The following KDM4B variants were observed in gnomAD, a reference collection of about 807,000 sequenced individuals.
KDM4B encodes the protein lysine demethylase 4B.
A neutral mutation model predicts 125.2 loss-of-function variants in KDM4B; 32 were observed. The ratio of observed to expected loss-of-function variants is 0.26; its 90% confidence interval spans 0.19 to 0.34. The LOEUF (loss-of-function observed/expected upper bound fraction) is 0.34, where lower values mean the gene tolerates loss of function less well. KDM4B is among the 10% of genes least tolerant of loss of function. The pLI is 1.00. For missense variants in KDM4B, 1,190 were observed against 1,577.7 expected, an observed-to-expected ratio of 0.75 and a Z score of 4.16; for synonymous variants, 721 against 677.9, an observed-to-expected ratio of 1.06 and a Z score of -0.99.
chr19:5,092,733 C>T (rs557787566), intron 9 of KDM4B, among the ~76,000 whole-genome samples: 58 of 152,264 alleles, frequency 3.8e-4, no homozygotes, highest in African/African-American at 1.3e-3. Flanking sequence ...AGGGGTCAGC[C>T]GTCAGAGAAG....
At chr19:5,068,119 C>G (rs2037832920) in intron 6 of KDM4B, among the ~76,000 whole-genome samples, 2 of 151,272 alleles carry the variant, frequency 1.3e-5, no homozygotes, top group African/African-American at 4.9e-5. Flanking sequence ...CCTCCAGAGC[C>G]AAGGCCAAAT....
chr19:5,047,482 G>C lies in KDM4B; in HGVS notation c.439G>C (p.Ala147Pro), dbSNP rs774891287. 1 of 1,608,052 alleles carries C rather than the reference G, an allele frequency of 6.2e-7. No individual in the cohort carries two copies. The highest frequency in any genetic ancestry group is 1.1e-5 in the South Asian group (1 of 90,650). Residue 147 changes from alanine to proline, a missense_variant, in exon 6 of 23, where the codon GCC (alanine) becomes CCC (proline). Transcript: ENST00000159111. ...CTGCTCTGCCGCCCCACAGGACGTG[G>C]CCCAGTGGAACATCGGGAGCCTCCG... is the stretch of plus-strand genomic sequence containing the variant. Reference protein sequence around the residue: ...ISGSLYDDDVAQWNIGSLRTI... With the variant: ...ISGSLYDDDVPQWNIGSLRTI...
In KDM4B at chr19:5,151,597, C is replaced by T. The variant is rs988341679; in HGVS notation, c.*86C>T. ...TTCGCTTGCTGTGAATTCCTGTCCT[C>T]GTGTCCCCGACCCCCGAGAGGCCAC... On this transcript the variant is annotated 3_prime_UTR_variant, in exon 23 of 23. Transcript: ENST00000159111. 15 of 1,174,288 alleles carry T rather than the reference C, an allele frequency of 1.3e-5. 2 individuals carry two copies. The Admixed American group carries it at 2.5e-4, about 20-fold the overall frequency. 72.7% of individuals were successfully genotyped at this position (1,174,288 alleles called of 1,614,324 possible). A position where few individuals can be genotyped will look rare whatever the true frequency, so the allele number is the denominator to read the frequency against.
At chr19:5,034,356 TAC>T (rs1231697734) in intron 3 of KDM4B, among the ~76,000 whole-genome samples, 1 of 152,192 alleles carries the variant, frequency 6.6e-6, no homozygotes, top group African/African-American at 2.4e-5. Flanking sequence ...GGGCAGTCTC[TAC>T]ACACGGCCAG....
intron 10 of KDM4B, among the ~76,000 whole-genome samples, chr19:5,117,627 G>A (rs1235853481): frequency 6.6e-6 from 1 of 152,170 alleles, no homozygotes; most frequent in Non-Finnish European, 1.5e-5. Flanking sequence ...CCCTAGTGGA[G>A]CCTGAGGCTG....
At chr19:5,029,062 C>T (rs920954135) in intron 2 of KDM4B, among the ~76,000 whole-genome samples, 9 of 152,134 alleles carry the variant, frequency 5.9e-5, no homozygotes, top group East Asian at 1.9e-4. Flanking sequence ...AGGTGCAGAC[C>T]GCCACACCTG....
At chr19:4,973,431 C>T (rs868553402) in intron 1 of KDM4B, among the ~76,000 whole-genome samples, 31 of 152,250 alleles carry the variant, frequency 2.0e-4, no homozygotes, top group African/African-American at 6.0e-4. Flanking sequence ...TCAAGTGATC[C>T]GCCTGCCTCG....
chr19:5,136,224 C>T (rs1035192044), intron 15 of KDM4B, among the ~76,000 whole-genome samples: 5 of 152,170 alleles, frequency 3.3e-5, no homozygotes, highest in African/African-American at 1.2e-4. Context: ...AACTGATGGT[C>T]ACAGTGAGAT....
intron 1 of KDM4B, among the ~76,000 whole-genome samples, chr19:4,986,088 G>A (rs963444908): frequency 6.6e-6 from 1 of 152,234 alleles, no homozygotes; most frequent in African/African-American, 2.4e-5. Context: ...CCCCTCTCTG[G>A]TGCCCCGGGG....
chr19:5,064,736 G>A (rs2037713931), intron 6 of KDM4B, among the ~76,000 whole-genome samples: 1 of 152,200 alleles, frequency 6.6e-6, no homozygotes, highest in African/African-American at 2.4e-5. Flanking sequence ...CCTCCAAGGA[G>A]CCCATTCCGC....
chr19:5,064,977 G>A (rs544221547), intron 6 of KDM4B, among the ~76,000 whole-genome samples: 160 of 152,348 alleles, frequency 1.1e-3, no homozygotes, highest in African/African-American at 3.8e-3. Flanking sequence ...AGGCTGTGAG[G>A]GGACAGGATA....
chr19:5,111,803 A>G (rs2039152928), intron 10 of KDM4B: 1 of 764,620 alleles, frequency 1.3e-6, no homozygotes, highest in Non-Finnish European at 2.4e-6. Flanking sequence ...CGACGTCTCG[A>G]CTCCGCATGG....
rs1367633098 is a variant in KDM4B at position 5,048,939 on chromosome 19, A to G, written c.626+1270A>G. ...GGACATGGGAGGTGGGGGACCAGCC[A>G]GTGAGTCAGACGTGAGGACTTCAGT... is the stretch of plus-strand genomic sequence containing the variant. On this transcript the variant is annotated intron_variant, in intron 6 of 22. Transcript: ENST00000159111. 2.6e-5 allele frequency among the ~76,000 whole-genome samples: 4 copies of G among 152,182 alleles called. No homozygotes were observed. The East Asian group carries it at 7.7e-4, about 29-fold the overall frequency.
chr19:5,031,424 T>G (rs1371282942), intron 2 of KDM4B, among the ~76,000 whole-genome samples: 1 of 152,234 alleles, frequency 6.6e-6, no homozygotes, highest in South Asian at 2.1e-4. Flanking sequence ...TGGGGCCTCC[T>G]GTGCAGACAC....
At chr19:5,137,104 C>T (rs1316996140) in intron 15 of KDM4B, among the ~76,000 whole-genome samples, 158 bp from the exon 16 acceptor site, 1 of 152,232 alleles carries the variant, frequency 6.6e-6, no homozygotes, top group Non-Finnish European at 1.5e-5. Context: ...AGGGTGGGAA[C>T]AGCACGCACC....
intron 1 of KDM4B, among the ~76,000 whole-genome samples, chr19:5,008,307 A>T (rs1266936180): frequency 1.3e-5 from 2 of 152,180 alleles, no homozygotes; most frequent in African/African-American, 4.8e-5. Context: ...CTGTTATTGA[A>T]AATCACCTGA....
chr19:4,970,521 T>C (rs1199220918), intron 1 of KDM4B, among the ~76,000 whole-genome samples: 1 of 152,098 alleles, frequency 6.6e-6, no homozygotes, highest in Non-Finnish European at 1.5e-5. Flanking sequence ...CCTGCCCCAG[T>C]CCTCTGCCTC....
chr19:4,985,890 C>G (rs2034812137), intron 1 of KDM4B, among the ~76,000 whole-genome samples: 2 of 152,208 alleles, frequency 1.3e-5, no homozygotes, highest in South Asian at 4.1e-4. Context: ...TCTCAGGAAG[C>G]CTCCCCGGCG....
intron 1 of KDM4B, among the ~76,000 whole-genome samples, chr19:4,983,616 G>A (rs961638666): frequency 5.3e-5 from 8 of 152,212 alleles, no homozygotes; most frequent in Admixed American, 1.3e-4. Context: ...GTGGGGAGGC[G>A]CAGGGCTGGT....
Sources: gnomAD v4.1 joint callset for allele counts (sites outside exome capture counted in the v4.1 genomes callset) on GRCh38, gnomAD v4.1.1 for gene constraint, MANE v1.5 for transcripts, NCBI Gene and HGNC (gene_info 2026-07-23, HGNC 2026-07-21) for gene names.